Variants in TSEN2 observed in about 807,000 individuals in gnomAD.
The protein encoded by TSEN2 is tRNA splicing endonuclease subunit 2.
TSEN2 carries 54 observed loss-of-function variants against 59.2 expected under a neutral mutation model. That is an observed-to-expected ratio of 0.91 (90% CI 0.73 to 1.14). The LOEUF is 1.14. TSEN2 is among the 50% of genes most tolerant of loss of function. The pLI, the probability that TSEN2 is intolerant of heterozygous loss-of-function variation, is 0.00. For missense variants in TSEN2, 636 were observed against 576.2 expected (o/e 1.10, Z -1.06); for synonymous variants, 195 against 198.2 (o/e 0.98, Z 0.14).
At chr3:12,504,152 G>A (rs2054580889) in intron 5 of TSEN2, among the ~76,000 whole-genome samples, 1 of 152,102 alleles carries the variant, frequency 6.6e-6, no homozygotes, top group Non-Finnish European at 1.5e-5. Context: ...CGTCATGAAG[G>A]GACTTGCTGT....
intron 8 of TSEN2, among the ~76,000 whole-genome samples, chr3:12,526,168 GTCTC>G (rs1394778566): frequency 6.6e-6 from 1 of 152,098 alleles, no homozygotes; most frequent in Non-Finnish European, 1.5e-5. Flanking sequence ...GGTAGACCAT[GTCTC>G]TCTCTCTATA....
intron 6 of TSEN2, among the ~76,000 whole-genome samples, chr3:12,508,595 C>T (rs557095497): frequency 1.9e-3 from 293 of 152,246 alleles, no homozygotes; most frequent in Non-Finnish European, 3.6e-3. Context: ...GAAGTCTGCT[C>T]AGCGCTGACA....
intron 9 of TSEN2, 149 bp from the exon 10 acceptor site, chr3:12,529,613 T>C: frequency 2.8e-6 from 2 of 705,328 alleles, no homozygotes; most frequent in Non-Finnish European, 4.7e-6. Context: ...AATTTTTCAT[T>C]AATATTTTCT....
chr3:12,489,556 C>A (rs1228898806), intron 1 of TSEN2, among the ~76,000 whole-genome samples: 1 of 152,166 alleles, frequency 6.6e-6, no homozygotes, highest in Non-Finnish European at 1.5e-5. Flanking sequence ...GATTACCACT[C>A]ATTTCCTGGG....
At chr3:12,524,587 C>G (rs538784375) in intron 8 of TSEN2, among the ~76,000 whole-genome samples, 227 of 152,240 alleles carry the variant, frequency 1.5e-3, no homozygotes, top group South Asian at 2.7e-3. Context: ...TCAGGATGAT[C>G]TCATCTCAAA....
At chr3:12,511,183 C>G (rs368617627) in intron 6 of TSEN2, 23 of 152,124 alleles carry the variant, frequency 1.5e-4, no homozygotes, top group African/African-American at 5.1e-4. Context: ...CAGACAAGAT[C>G]GGGCACATTG....
downstream of TSEN2, among the ~76,000 whole-genome samples, chr3:12,537,180 G>A (rs372024224): frequency 5.3e-5 from 8 of 152,228 alleles, no homozygotes; most frequent in South Asian, 1.7e-3. Flanking sequence ...GGAGGCTTAA[G>A]TGGGAGGATC....
intron 10 of TSEN2, chr3:12,530,186 T>C (rs1288213630): frequency 8.4e-7 from 1 of 1,196,496 alleles, no homozygotes; most frequent in African/African-American, 1.6e-5. Context: ...CGTTGCTATG[T>C]GACTTGTTTT....
chr3:12,504,550 A>G (rs1470943221), intron 5 of TSEN2, among the ~76,000 whole-genome samples: 1 of 152,184 alleles, frequency 6.6e-6, no homozygotes, highest in Middle Eastern at 3.2e-3. Flanking sequence ...GTCTCAAAAA[A>G]ACAAAAACAT....
intron 4 of TSEN2, among the ~76,000 whole-genome samples, chr3:12,497,635 T>G (rs940134600): frequency 8.5e-5 from 13 of 152,180 alleles, no homozygotes; most frequent in Non-Finnish European, 1.5e-4. Context: ...CCATCAGAAC[T>G]GCATCCTGGC....
chr3:12,523,249 C>G (rs2056791245), intron 8 of TSEN2, among the ~76,000 whole-genome samples: 1 of 152,118 alleles, frequency 6.6e-6, no homozygotes, highest in South Asian at 2.1e-4. Flanking sequence ...ACTCCTAAGC[C>G]TCCTTCCCAG....
exon 11 of TSEN2, chr3:12,539,334 A>G (rs1307919791): frequency 1.8e-5 from 6 of 327,844 alleles, no homozygotes; most frequent in South Asian, 2.3e-5. Context: ...GGGTTTCACT[A>G]TGTTGGCCAG....
At chr3:12,505,805 G>A (rs886871876) in intron 6 of TSEN2, among the ~76,000 whole-genome samples, 8 of 103,068 alleles carry the variant, frequency 7.8e-5, no homozygotes, top group African/African-American at 2.6e-4. Flanking sequence ...AAAAAAAAAA[G>A]GCTTTATGTT....
chr3:12,493,657 G>A (rs928750626), intron 3 of TSEN2, among the ~76,000 whole-genome samples: 1 of 152,184 alleles, frequency 6.6e-6, no homozygotes, highest in East Asian at 1.9e-4. Flanking sequence ...AACCCGAGAG[G>A]CAGAGGTTGC....
At chr3:12,522,673 G>C (rs1343088280) in intron 8 of TSEN2, among the ~76,000 whole-genome samples, 1 of 152,180 alleles carries the variant, frequency 6.6e-6, no homozygotes, top group East Asian at 1.9e-4. Flanking sequence ...TTTCCTTAGA[G>C]AGCTAGTGAC....
At chr3:12,499,296 T>C (rs1375334907) in intron 4 of TSEN2, among the ~76,000 whole-genome samples, 1 of 152,174 alleles carries the variant, frequency 6.6e-6, no homozygotes, top group East Asian at 1.9e-4. Context: ...CACCCCGTTG[T>C]CCTTTATTCA....
In TSEN2 at chr3:12,506,543, C is replaced by T. The variant is rs538584373; in HGVS notation, c.909+1312C>T. Among the ~76,000 whole-genome samples, 8 of 150,338 alleles carry T rather than the reference C, an allele frequency of 5.3e-5. No individual in the cohort carries two copies. In the East Asian group the frequency reaches 5.9e-4, roughly 11 times the overall value. ...CTGGGAGGTCGAGGCTTTAATGAAC[C>T]GAGGTCACGCCACTGCACAAGCGAG... On this transcript the variant is annotated intron_variant, in intron 6 of 11. Transcript: ENST00000284995.
chr3:12,489,840 A>G lies in TSEN2; in HGVS notation c.40A>G (p.Arg14Gly). ...AVFHAPKRKR[R>G]VYETYESPLP... Reference sequence around the variant, plus strand: ...TTTCCATGCCCCAAAGAGGAAAAGAAGAGTGTATGAGACTTACGAGTCTCC... The same window carrying G: ...TTTCCATGCCCCAAAGAGGAAAAGAGGAGTGTATGAGACTTACGAGTCTCC... Residue 14 changes from arginine to glycine, a missense_variant, in exon 2 of 12, where the codon AGA becomes GGA. Coordinates refer to ENST00000284995, the MANE Select transcript of TSEN2 (RefSeq NM_025265.4). 1.9e-6 allele frequency: 3 copies of G among 1,614,048 alleles called. No homozygotes were observed. Among genetic ancestry groups the G allele is most frequent in the Admixed American group, 1.7e-5 (1 of 60,026 alleles).
intron 7 of TSEN2, among the ~76,000 whole-genome samples, chr3:12,517,307 G>A (rs934779701): frequency 3.6e-5 from 5 of 138,102 alleles, no homozygotes; most frequent in Admixed American, 1.6e-4. Context: ...GCAATGAGCC[G>A]AGATAGCGCC....
Sources: gnomAD v4.1 joint callset for allele counts (sites outside exome capture counted in the v4.1 genomes callset) on GRCh38, gnomAD v4.1.1 for gene constraint, MANE v1.5 for transcripts, NCBI Gene and HGNC (gene_info 2026-07-23, HGNC 2026-07-21) for gene names.